LCOR: variants seen among roughly 807,000 people sequenced by gnomAD.
LCOR encodes ligand dependent nuclear receptor corepressor, also known as ligand-dependent corepressor.
In LCOR, 14 loss-of-function variants were observed where a neutral mutation model predicts 64.4. That is an observed-to-expected ratio of 0.22 (90% CI 0.14 to 0.34). The LOEUF (loss-of-function observed/expected upper bound fraction) is 0.34. Among genes scored for constraint, LCOR ranks in the 10% least tolerant of loss-of-function variants. The probability of loss-of-function intolerance (pLI) is 1.00; values close to 1 mark genes in which losing one functional copy is unlikely to be tolerated. For missense variants in LCOR, 1,686 were observed against 1,765.3 expected (o/e 0.96, Z 0.80); for synonymous variants, 643 against 642.5 (o/e 1.00, Z -0.01).
chr10:96,891,794 C>T (rs914417543), intron 2 of LCOR, among the ~76,000 whole-genome samples: 15 of 152,116 alleles, frequency 9.9e-5, no homozygotes, highest in Admixed American at 7.9e-4. Context: ...TCACCTGCCT[C>T]GGCCTCCCAT....
In LCOR at chr10:96,989,695, A is replaced by ATATATATATATATATATTTTTT. The variant is rs1371771053; in HGVS notation, c.*4562_*4563insATATATATATATATATTTTTTT. ...TAAGGATATATATATATATATATATATTTTTTTTTTTTTTTTTTTTTTTTA... is the reference window on the plus strand; with the variant it reads ...TAAGGATATATATATATATATATATATATATATATATATATATTTTTTTTTTTTTTTTTTTTTTTTTTTTTTA... On this transcript the variant is annotated 3_prime_UTR_variant, in exon 8 of 8. Coordinates refer to ENST00000421806, the MANE Select transcript of LCOR (RefSeq NM_001346516.2). 1.0e-4 allele frequency: 9 copies of ATATATATATATATATATTTTTT among 86,160 alleles called. No homozygotes were observed. The highest frequency in any genetic ancestry group is 5.6e-4 in the African/African-American group (9 of 16,170). 5.3% of individuals were successfully genotyped at this position (86,160 alleles called of 1,614,324 possible). A position where few individuals can be genotyped will look rare whatever the true frequency, so the allele number is the denominator to read the frequency against.
At chr10:96,867,412 C>T (rs1397362603) in intron 2 of LCOR, among the ~76,000 whole-genome samples, 3 of 152,138 alleles carry the variant, frequency 2.0e-5, no homozygotes, top group African/African-American at 4.8e-5. Flanking sequence ...GCCTGGGCAA[C>T]ATATGGAGAT....
intron 4 of LCOR, among the ~76,000 whole-genome samples, chr10:96,926,787 A>G (rs1326976181): frequency 2.0e-5 from 3 of 152,208 alleles, no homozygotes; most frequent in African/African-American, 7.2e-5. Context: ...GAATCATAAA[A>G]TACATAGTTT....
At chr10:96,919,836 T>G (rs1847017487) in intron 4 of LCOR, among the ~76,000 whole-genome samples, 1 of 152,218 alleles carries the variant, frequency 6.6e-6, no homozygotes, top group South Asian at 2.1e-4. Flanking sequence ...AATTCCTTCC[T>G]TTTTAAAGCA....
rs1225665562 is a variant in LCOR, at chr10:96,984,886, G to A, written c.4426G>A (p.Glu1476Lys). 3.1e-6 allele frequency: 5 copies of A among 1,613,744 alleles called. No individual in the cohort carries two copies. Among genetic ancestry groups the A allele is most frequent in the Non-Finnish European group, 4.2e-6 (5 of 1,179,994 alleles). The change falls in exon 8 of 8, where the codon GAG becomes AAG. Residue 1476 changes from glutamate (E) to lysine (K), a missense_variant. Physicochemically the swap from Glu to Lys is moderately conservative, Grantham distance 56. Coordinates refer to ENST00000421806, the MANE Select transcript of LCOR (RefSeq NM_001346516.2). ...CTGCCCTCCCTCCAGGAAAGAAAAA[G>A]AGAATACAAACAAAAGGCCTTCCCA... ...KSCPPSRKEKENTNKRPSQSI... is the reference protein window; with the variant it reads ...KSCPPSRKEKKNTNKRPSQSI...
At chr10:96,885,055 T>C (rs560873803) in intron 2 of LCOR, among the ~76,000 whole-genome samples, 102 of 152,338 alleles carry the variant, frequency 6.7e-4, no homozygotes, top group African/African-American at 2.4e-3. Context: ...CTTCTCTGAA[T>C]AGTTTGGTCC....
chr10:96,967,375 G>A (rs1017899685), intron 7 of LCOR, among the ~76,000 whole-genome samples: 4 of 152,108 alleles, frequency 2.6e-5, no homozygotes, highest in African/African-American at 7.2e-5. Context: ...CAAGTGATCC[G>A]CCTACCTTGG....
chr10:96,984,762 C>T lies in LCOR; in HGVS notation c.4302C>T (p.Ala1434=), dbSNP rs371352156. 120 of 1,613,504 alleles carry T rather than the reference C, an allele frequency of 7.4e-5. No homozygotes were observed. Among genetic ancestry groups the T allele is most frequent in the Non-Finnish European group, 9.4e-5 (111 of 1,179,942 alleles). ...ATGGAGCCACCAAAACCCCTGCTGCCAAGAGGCCAGCTGCAAGGGACAGAA... is the reference window on the plus strand; with the variant it reads ...ATGGAGCCACCAAAACCCCTGCTGCTAAGAGGCCAGCTGCAAGGGACAGAA... The part of the protein sequence containing the change: ...HADGATKTPA[A]KRPAARDRSS... Residue 1434 remains alanine (A), a synonymous_variant, in exon 8 of 8, where the codon GCC becomes GCT. Transcript: ENST00000421806.
At chr10:96,862,252 C>T (rs547184223) in intron 2 of LCOR, among the ~76,000 whole-genome samples, 4 of 152,058 alleles carry the variant, frequency 2.6e-5, no homozygotes, top group East Asian at 3.9e-4. Context: ...TGGGAGGCTT[C>T]GTTACATAGA....
At position 96,916,587 on chromosome 10, in the gene LCOR, C is replaced by CTATATATATATATATA. The variant is rs71976703; in HGVS notation, c.-184+8844_-184+8859dup. Among the ~76,000 whole-genome samples the CTATATATATATATATA allele has an allele frequency of 1.3e-3, 175 of 138,120 alleles. 2 individuals are homozygous for CTATATATATATATATA. The highest frequency in any genetic ancestry group is 7.7e-3 in the East Asian group (33 of 4,298). 90.6% of individuals were successfully genotyped at this position (138,120 alleles called of 152,430 possible). A position where few individuals can be genotyped will look rare whatever the true frequency, so the allele number is the denominator to read the frequency against. ...GAAACACATATGAGATATTTAAAGGCTATATATATATATATATATCTATAT... is the reference window on the plus strand; with the variant it reads ...GAAACACATATGAGATATTTAAAGGCTATATATATATATATATATATATATATATATATATCTATAT... On this transcript the variant is annotated intron_variant, in intron 4 of 7. Coordinates refer to ENST00000421806, the MANE Select transcript of LCOR (RefSeq NM_001346516.2).
At chr10:96,897,798 C>T (rs989921807) in intron 2 of LCOR, among the ~76,000 whole-genome samples, 1 of 151,700 alleles carries the variant, frequency 6.6e-6, no homozygotes, top group Non-Finnish European at 1.5e-5. Context: ...GCAAAAAGAG[C>T]CCTTAATTAT....
chr10:96,981,067 G>T lies in LCOR; in HGVS notation c.607G>T (p.Val203Leu). Residue 203 changes from valine (V) to leucine (L), a missense_variant, in exon 8 of 8, where the codon GTA becomes TTA. By Grantham distance (32) the Val-to-Leu change is conservative. Around this residue, in one of 3 missense-constraint regions of LCOR, gnomAD observed 313 missense variants for 247.2 expected, o/e 1.27. Coordinates refer to ENST00000421806, the MANE Select transcript of LCOR (RefSeq NM_001346516.2). ...LCLDMKSSAS[V>L]DLFVDSSDSH... ...TCTCGATATGAAGTCTTCTGCTTCTGTAGATTTGTTCGTAGACTCGTCAGA... is the reference window on the plus strand; with the variant it reads ...TCTCGATATGAAGTCTTCTGCTTCTTTAGATTTGTTCGTAGACTCGTCAGA... 1.4e-6 allele frequency: 1 copy of T among 703,016 alleles called. No individual in the cohort carries two copies. Among genetic ancestry groups the T allele is most frequent in the Non-Finnish European group, 2.6e-6 (1 of 385,014 alleles). The allele number at this position is 703,016 out of a possible 1,614,324, so 43.5% of individuals were successfully genotyped here.
Position 96,982,603 on chromosome 10 carries a change from G to GAGCC in LCOR, c.2144_2147dup (p.Pro717AlafsTer9). 1 of 1,614,132 alleles carries GAGCC rather than the reference G, an allele frequency of 6.2e-7. No individual in the cohort carries two copies. Among genetic ancestry groups the GAGCC allele is most frequent in the Non-Finnish European group, 8.5e-7 (1 of 1,180,036 alleles). ...AAATCAGAGTTCCCCAATGGGCTTG[G>GAGCC]AGCCCCCCATGAGTCTGGGAAAGGC... On this transcript the variant is annotated frameshift_variant, in exon 8 of 8. Transcript: ENST00000421806. LOFTEE classifies it low-confidence loss of function (END_TRUNC).
chr10:96,968,780 C>T (rs569664776), intron 7 of LCOR, among the ~76,000 whole-genome samples: 2 of 152,104 alleles, frequency 1.3e-5, no homozygotes, highest in African/African-American at 4.8e-5. Context: ...ACAAAAAATC[C>T]AAAAATTAGC....
At chr10:96,904,754 A>G (rs1043743630) in intron 2 of LCOR, among the ~76,000 whole-genome samples, 2 of 152,102 alleles carry the variant, frequency 1.3e-5, no homozygotes, top group African/African-American at 4.8e-5. Flanking sequence ...TTTCTGTGAT[A>G]TCATGGTATA....
intron 2 of LCOR, among the ~76,000 whole-genome samples, chr10:96,895,780 T>C (rs1297716254): frequency 6.6e-6 from 1 of 152,258 alleles, no homozygotes; most frequent in Non-Finnish European, 1.5e-5. Flanking sequence ...ATATGGCTTG[T>C]TCCCTCACTT....
intron 4 of LCOR, among the ~76,000 whole-genome samples, chr10:96,925,575 A>G (rs971369292): frequency 1.3e-5 from 2 of 152,240 alleles, no homozygotes; most frequent in East Asian, 3.9e-4. Context: ...TAATCAGGTG[A>G]TGTTAACTTT....
intron 7 of LCOR, among the ~76,000 whole-genome samples, chr10:96,966,050 A>T (rs1847946296): frequency 6.6e-6 from 1 of 151,972 alleles, no homozygotes; most frequent in Non-Finnish European, 1.5e-5. Context: ...TTTAAACTGG[A>T]ATTTTCTCTG....
rs1848095833 is a variant in LCOR, at chr10:96,982,252, A to G, written c.1792A>G (p.Ile598Val). Reference protein sequence around the residue: ...PQEPEVCPTKIKPNLSSSPRS... With the variant: ...PQEPEVCPTKVKPNLSSSPRS... ...AGAGCCTGAGGTTTGCCCCACAAAG[A>G]TTAAGCCGAACCTGAGCAGCTCCCC... Residue 598 changes from isoleucine (I) to valine (V), a missense_variant, in exon 8 of 8, where the codon ATT (isoleucine) becomes GTT (valine). Ile to Val is a conservative substitution (Grantham distance 29, BLOSUM62 3). Around this residue, in one of 3 missense-constraint regions of LCOR, gnomAD observed 1,293 missense variants for 1,410.4 expected, o/e 0.92. Transcript: ENST00000421806. The G allele has an allele frequency of 6.2e-7, 1 of 1,614,168 alleles. No homozygotes were observed. The highest frequency in any genetic ancestry group is 8.5e-7 in the Non-Finnish European group (1 of 1,180,030).
Sources: allele counts gnomAD v4.1 joint callset (sites outside exome capture counted in the v4.1 genomes callset), GRCh38; gene constraint gnomAD v4.1.1; regional missense constraint gnomAD v4.1.1; transcripts MANE v1.5; gene names NCBI Gene and HGNC (gene_info 2026-07-23, HGNC 2026-07-21).